The following KANK4 variants were observed in gnomAD, a reference collection of about 807,000 sequenced individuals.
KANK4 encodes KN motif and ankyrin repeat domains 4.
KANK4 carries 50 observed loss-of-function variants against 80.8 expected under a neutral mutation model. The observed-to-expected ratio is 0.62, with a 90% CI of 0.49 to 0.78. The LOEUF (loss-of-function observed/expected upper bound fraction) is 0.78, where lower values mean the gene tolerates loss of function less well. KANK4 is among the 30% of genes least tolerant of loss of function. The pLI is 0.00. For synonymous variants in KANK4, 465 were observed against 506.9 expected (o/e 0.92, Z 1.11); for missense variants, 1,196 against 1,240.1 (o/e 0.96, Z 0.53).
chr1:62,293,422 A>T (rs1331479453), intron 1 of KANK4, among the ~76,000 whole-genome samples: 1 of 152,096 alleles, frequency 6.6e-6, no homozygotes, highest in Non-Finnish European at 1.5e-5. Flanking sequence ...TAATTCTCAA[A>T]GCAGAGTCCC....
intron 8 of KANK4, among the ~76,000 whole-genome samples, chr1:62,248,585 G>A (rs61776867): frequency 0.031 from 4,624 of 147,380 alleles, 102 homozygotes; most frequent in Non-Finnish European, 0.05. Flanking sequence ...CACTCTTGTC[G>A]CCGAGGCTGG....
intron 7 of KANK4, among the ~76,000 whole-genome samples, chr1:62,260,628 C>T (rs991454957): frequency 6.6e-6 from 1 of 152,316 alleles, no homozygotes; most frequent in East Asian, 1.9e-4. Flanking sequence ...TTCCTCCCAA[C>T]ATGCCCCTAA....
rs750166995 is a variant in KANK4, at chr1:62,274,961, T to G, written c.143A>C (p.Lys48Thr). 1 of 1,614,140 alleles carries G rather than the reference T, an allele frequency of 6.2e-7. No individual in the cohort carries two copies. Among genetic ancestry groups the G allele is most frequent in the Non-Finnish European group, 8.5e-7 (1 of 1,180,016 alleles). The change falls in exon 3 of 10, where the codon AAG becomes ACG. Residue 48 changes from lysine (K) to threonine (T), a missense_variant. Transcript: ENST00000371153. ...DFLKYVDDIE[K>T]GNTIKRIPIH... Reference sequence around the variant, plus strand: ...AGGAATTCTTTTGATAGTGTTTCCCTTCTCGATGTCATCCACATACTTGAG... The same window carrying G: ...AGGAATTCTTTTGATAGTGTTTCCCGTCTCGATGTCATCCACATACTTGAG...
intron 1 of KANK4, among the ~76,000 whole-genome samples, chr1:62,316,971 C>T (rs1644546978): frequency 6.6e-6 from 1 of 152,140 alleles, no homozygotes; most frequent in South Asian, 2.1e-4. Context: ...ATGTTTAATG[C>T]CGAAGTTCAA....
At chr1:62,288,451 T>C (rs942818262) in intron 1 of KANK4, among the ~76,000 whole-genome samples, 1 of 152,204 alleles carries the variant, frequency 6.6e-6, no homozygotes, top group African/African-American at 2.4e-5. Context: ...GCTGTATGGC[T>C]GCACAGGGCT....
chr1:62,279,048 G>T (rs1672387796), intron 2 of KANK4, among the ~76,000 whole-genome samples: 1 of 152,328 alleles, frequency 6.6e-6, no homozygotes, highest in East Asian at 1.9e-4. Flanking sequence ...CAGGTCCAGA[G>T]CACAAATACA....
intron 1 of KANK4, among the ~76,000 whole-genome samples, chr1:62,291,002 G>A (rs578087360): frequency 2.0e-5 from 3 of 151,748 alleles, no homozygotes; most frequent in African/African-American, 7.3e-5. Flanking sequence ...CGCCTGCCTC[G>A]GCCTCCCAGA....
rs140716895 is a variant in KANK4, at chr1:62,254,367, C to T, written c.2540-1158G>A. ...GTTCAAGTGATCCTCCTGCCTCAGC[C>T]TCTCGAGTAGCCTGTAGGTGCCCGC... On this transcript the variant is annotated intron_variant, in intron 7 of 9. Transcript: ENST00000371153. Among the ~76,000 whole-genome samples the T allele has an allele frequency of 1.7e-3, 265 of 152,158 alleles. 2 individuals carry two copies. The South Asian group carries it at 0.038, about 22-fold the overall frequency.
At chr1:62,275,914 GGGAAGGGAAA>G (rs1672303216) in intron 2 of KANK4, among the ~76,000 whole-genome samples, 1 of 148,066 alleles carries the variant, frequency 6.8e-6, no homozygotes, top group Admixed American at 6.9e-5. Context: ...GGAAGGGGAA[GGGAAGGGAAA>G]GGAAAGGAAG....
chr1:62,296,993 G>T (rs1003840465), intron 1 of KANK4, among the ~76,000 whole-genome samples: 16 of 152,074 alleles, frequency 1.1e-4, no homozygotes, highest in African/African-American at 3.9e-4. Context: ...GAGGCGGGTG[G>T]ATCACCTGAG....
At chr1:62,310,324 C>T (rs569794258) in intron 1 of KANK4, among the ~76,000 whole-genome samples, 1 of 152,188 alleles carries the variant, frequency 6.6e-6, no homozygotes, top group South Asian at 2.1e-4. Context: ...TACAAAATTG[C>T]GTAGGAGCCT....
At chr1:62,318,607 T>C (rs1644562046) in intron 1 of KANK4, among the ~76,000 whole-genome samples, 1 of 152,154 alleles carries the variant, frequency 6.6e-6, no homozygotes, top group Non-Finnish European at 1.5e-5. Context: ...ACGGGGAGAC[T>C]TTTGCGACAG....
At chr1:62,278,399 T>TGTTGCCCAGGCTGGAG in intron 2 of KANK4, among the ~76,000 whole-genome samples, 1 of 63,284 alleles carries the variant, frequency 1.6e-5, no homozygotes, top group African/African-American at 9.8e-5. Context: ...CTTTCTTTCT[T>TGTTGCCCAGGCTGGAG]TTTTTTTTTT....
intron 8 of KANK4, among the ~76,000 whole-genome samples, chr1:62,248,255 C>T (rs898559533): frequency 6.6e-6 from 1 of 152,198 alleles, no homozygotes; most frequent in African/African-American, 2.4e-5. Flanking sequence ...TCTTGGGCAT[C>T]TCTGTAATCA....
At chr1:62,268,219 A>T in intron 5 of KANK4, 68 bp downstream of exon 5, 1 of 1,217,980 alleles carries the variant, frequency 8.2e-7, no homozygotes, top group Middle Eastern at 2.7e-4. Context: ...GATCGCATGA[A>T]CGGGTAGATA....
At chr1:62,295,171 C>T (rs183982836) in intron 1 of KANK4, among the ~76,000 whole-genome samples, 38 of 150,930 alleles carry the variant, frequency 2.5e-4, no homozygotes, top group African/African-American at 9.2e-4. Flanking sequence ...TGGAATTTTG[C>T]TCTGTCGCCC....
chr1:62,314,234 G>A (rs573600463), intron 1 of KANK4, among the ~76,000 whole-genome samples: 256 of 152,094 alleles, frequency 1.7e-3, no homozygotes, highest in South Asian at 2.9e-3. Context: ...GGCTGGTCTC[G>A]AACTCCTGAC....
At position 62,274,023 on chromosome 1, in the gene KANK4, C is replaced by T. The variant is rs773225905; in HGVS notation, c.1081G>A (p.Glu361Lys). 2.0e-5 allele frequency: 33 copies of T among 1,614,092 alleles called. No homozygotes were observed. The highest frequency in any genetic ancestry group is 2.5e-5 in the Non-Finnish European group (30 of 1,180,052). The stretch of plus-strand genomic sequence containing the variant: ...GCAGTTCTGACCTGTGCCAGTTCCT[C>T]GGTTCTTCCAGACAACTCTCCCTCC... The part of the protein sequence containing the change: ...ALEGELSGRT[E>K]ELAQVRTALQ... The change falls in exon 3 of 10, where the codon GAG (glutamate) becomes AAG (lysine). Residue 361 changes from glutamate to lysine, a missense_variant. Glu to Lys is a moderately conservative substitution (Grantham distance 56). Coordinates refer to ENST00000371153, the MANE Select transcript of KANK4 (RefSeq NM_181712.5).
chr1:62,276,803 G>A (rs113860235), intron 2 of KANK4, among the ~76,000 whole-genome samples: 1,713 of 143,320 alleles, frequency 0.012, 43 homozygotes, highest in African/African-American at 0.044. Flanking sequence ...GTGAGGACTA[G>A]TTAATTAATA....
Sources: gnomAD v4.1 joint callset for allele counts (sites outside exome capture counted in the v4.1 genomes callset) on GRCh38, gnomAD v4.1.1 for gene constraint, MANE v1.5 for transcripts, NCBI Gene and HGNC (gene_info 2026-07-23, HGNC 2026-07-21) for gene names.